The following LIN28B variants were observed in gnomAD, a reference collection of about 807,000 sequenced individuals.
LIN28B encodes the protein protein lin-28 homolog B.
LIN28B carries 5 observed loss-of-function variants against 21.9 expected under a neutral mutation model. The ratio of observed to expected loss-of-function variants is 0.23; its 90% CI spans 0.12 to 0.48. The LOEUF (loss-of-function observed/expected upper bound fraction) is 0.48. LIN28B is among the 20% of genes least tolerant of loss of function. The pLI, the probability that LIN28B is intolerant of heterozygous loss-of-function variation, is 0.98. For missense variants in LIN28B, 245 were observed against 310.5 expected, an observed-to-expected ratio of 0.79 and a Z score of 1.58; for synonymous variants, 109 against 111.3, an observed-to-expected ratio of 0.98 and a Z score of 0.13.
intron 2 of LIN28B, among the ~76,000 whole-genome samples, chr6:104,983,330 A>C (rs1770265227): frequency 6.6e-6 from 1 of 151,590 alleles, no homozygotes; most frequent in South Asian, 2.1e-4. Context: ...GGGAAGCTGA[A>C]ATTTGGTTGG....
At chr6:104,979,049 T>C (rs1220730688) in intron 2 of LIN28B, among the ~76,000 whole-genome samples, 1 of 152,142 alleles carries the variant, frequency 6.6e-6, no homozygotes, top group African/African-American at 2.4e-5. Context: ...CAGTAAGTCA[T>C]TTAAGATTTA....
intron 3 of LIN28B, among the ~76,000 whole-genome samples, chr6:105,072,224 G>A (rs1772346038): frequency 6.6e-6 from 1 of 151,966 alleles, no homozygotes; most frequent in South Asian, 2.1e-4. Flanking sequence ...AAATTTAATT[G>A]CTTTCAATTA....
intron 3 of LIN28B, among the ~76,000 whole-genome samples, chr6:105,069,399 G>C (rs1032242294): frequency 1.5e-4 from 23 of 152,060 alleles, no homozygotes; most frequent in Admixed American, 1.5e-3. Flanking sequence ...GGTAATGATG[G>C]TGAAATTTAG....
chr6:104,957,004 G>A, upstream of LIN28B: 3 of 1,188,006 alleles, frequency 2.5e-6, no homozygotes. Context: ...CCTCTTGCCA[G>A]CCCCTTAAGG....
chr6:104,974,455 C>T (rs1770043842), intron 2 of LIN28B, among the ~76,000 whole-genome samples: 1 of 147,034 alleles, frequency 6.8e-6, no homozygotes, highest in Non-Finnish European at 1.5e-5. Context: ...TGCCACTGCA[C>T]TCCAGCTTGG....
At chr6:104,976,891 C>G (rs1398160379) in intron 2 of LIN28B, among the ~76,000 whole-genome samples, 2 of 152,152 alleles carry the variant, frequency 1.3e-5, no homozygotes, top group African/African-American at 4.8e-5. Flanking sequence ...TTAGCCCTTA[C>G]CCTGAACATT....
intron 2 of LIN28B, among the ~76,000 whole-genome samples, chr6:104,975,708 G>T (rs1770076120): frequency 6.6e-6 from 1 of 151,916 alleles, no homozygotes; most frequent in Non-Finnish European, 1.5e-5. Flanking sequence ...GAGTGCAGTG[G>T]TGTGGTGTGA....
chr6:105,019,238 G>A (rs572748963), intron 2 of LIN28B, among the ~76,000 whole-genome samples: 2 of 152,110 alleles, frequency 1.3e-5, no homozygotes, highest in Non-Finnish European at 2.9e-5. Context: ...GTGAGCCACC[G>A]CGCCCATCTG....
chr6:105,002,089 C>A (rs958656946), intron 2 of LIN28B, among the ~76,000 whole-genome samples: 5 of 151,796 alleles, frequency 3.3e-5, no homozygotes, highest in African/African-American at 1.2e-4. Flanking sequence ...TTTTTTATGC[C>A]TGGAAAGATC....
chr6:105,042,967 A>G (rs976554788), intron 3 of LIN28B, among the ~76,000 whole-genome samples: 14 of 152,210 alleles, frequency 9.2e-5, no homozygotes, highest in East Asian at 7.7e-4. Context: ...TCAAAGCCCA[A>G]CCCCTCTGCT....
At chr6:104,985,828 A>G (rs1770327164) in intron 2 of LIN28B, among the ~76,000 whole-genome samples, 1 of 152,158 alleles carries the variant, frequency 6.6e-6, no homozygotes, top group Non-Finnish European at 1.5e-5. Flanking sequence ...CAGCTAGTCA[A>G]GTAGATGTCA....
chr6:105,023,260 ATT>A (rs1562096108), intron 2 of LIN28B, among the ~76,000 whole-genome samples: 2 of 64,002 alleles, frequency 3.1e-5, no homozygotes, highest in East Asian at 9.6e-4. Context: ...TTTATATATA[ATT>A]ATTATTTATT....
intron 2 of LIN28B, among the ~76,000 whole-genome samples, chr6:105,023,229 T>TA (rs1259738934): frequency 5.4e-5 from 4 of 73,402 alleles, no homozygotes; most frequent in Non-Finnish European, 1.1e-4. Context: ...ATATATATAA[T>TA]ATATATTATA....
At chr6:104,970,566 T>C (rs1769955172) in intron 2 of LIN28B, among the ~76,000 whole-genome samples, 1 of 152,208 alleles carries the variant, frequency 6.6e-6, no homozygotes, top group Non-Finnish European at 1.5e-5. Flanking sequence ...TACTACTAAA[T>C]AGATTTTTAA....
chr6:105,021,328 C>T (rs1771137111), intron 2 of LIN28B, among the ~76,000 whole-genome samples: 1 of 152,118 alleles, frequency 6.6e-6, no homozygotes, highest in Non-Finnish European at 1.5e-5. Context: ...CTGTGCAAAA[C>T]ATACAAGTGT....
intron 3 of LIN28B, among the ~76,000 whole-genome samples, chr6:105,051,158 G>A (rs995891405): frequency 2.0e-5 from 3 of 150,772 alleles, no homozygotes; most frequent in South Asian, 2.1e-4. Context: ...AAAAAGCTGC[G>A]GGCTGGGCAC....
intron 3 of LIN28B, among the ~76,000 whole-genome samples, chr6:105,053,714 C>CATGTGTGTGTGTGTGT (rs61525783): frequency 0.014 from 1,999 of 147,350 alleles, 74 homozygotes; most frequent in African/African-American, 0.046. Context: ...TGTGTGGGTG[C>CATGTGTGTGTGTGTGT]GTGTGTGTGT....
chr6:105,023,067 G>A (rs2114331069), intron 2 of LIN28B, among the ~76,000 whole-genome samples: 1 of 148,368 alleles, frequency 6.7e-6, no homozygotes, highest in Non-Finnish European at 1.5e-5. Flanking sequence ...TTGATTTTTG[G>A]GGGAACAAAT....
intron 3 of LIN28B, among the ~76,000 whole-genome samples, chr6:105,051,945 A>G (rs539836941): frequency 6.6e-6 from 1 of 152,372 alleles, no homozygotes; most frequent in East Asian, 1.9e-4. Flanking sequence ...TGCTGTGAAG[A>G]AAATTATAGC....
Sources: gnomAD v4.1 joint callset for allele counts (sites outside exome capture counted in the v4.1 genomes callset) on GRCh38, gnomAD v4.1.1 for gene constraint, MANE v1.5 for transcripts, NCBI Gene and HGNC (gene_info 2026-07-23, HGNC 2026-07-21) for gene names.